The following ASIC2 variants were observed in gnomAD, a reference collection of about 807,000 sequenced individuals.
The protein encoded by ASIC2 is acid-sensing ion channel 2.
Under a neutral mutation model 57.3 loss-of-function variants are expected in ASIC2, and 25 were observed. The ratio of observed to expected loss-of-function variants is 0.44; its 90% CI spans 0.32 to 0.61. The LOEUF (loss-of-function observed/expected upper bound fraction) is 0.61. Among genes scored for constraint, ASIC2 ranks in the 20% least tolerant of loss-of-function variants. ASIC2 has a pLI of 0.06. For missense variants in ASIC2, 641 were observed against 738.1 expected, an observed-to-expected ratio of 0.87 and a Z score of 1.52; for synonymous variants, 319 against 307.5, an observed-to-expected ratio of 1.04 and a Z score of -0.39.
intron 1 of ASIC2, among the ~76,000 whole-genome samples, chr17:33,155,628 C>G (rs141759997): frequency 7.0e-6 from 1 of 143,354 alleles, no homozygotes; most frequent in Non-Finnish European, 1.5e-5. Context: ...GGCAGGATCT[C>G]GGATCACTGC....
intron 1 of ASIC2, among the ~76,000 whole-genome samples, chr17:33,211,789 G>A (rs948078570): frequency 6.6e-5 from 10 of 152,142 alleles, no homozygotes; most frequent in Admixed American, 3.3e-4. Context: ...CTTGCATCCC[G>A]AAAGTATTTG....
At chr17:33,329,512 A>C (rs911837298) in intron 1 of ASIC2, among the ~76,000 whole-genome samples, 26 of 152,202 alleles carry the variant, frequency 1.7e-4, no homozygotes, top group African/African-American at 6.3e-4. Context: ...ATTCATGCCC[A>C]AATTTCAGAA....
At chr17:33,687,908 T>C (rs996086408) in intron 1 of ASIC2, among the ~76,000 whole-genome samples, 1 of 152,194 alleles carries the variant, frequency 6.6e-6, no homozygotes, top group African/African-American at 2.4e-5. Context: ...ATAATTTTGC[T>C]GCTTCAGGAA....
chr17:33,211,067 TG>T (rs1204266773), intron 1 of ASIC2, among the ~76,000 whole-genome samples: 1 of 152,116 alleles, frequency 6.6e-6, no homozygotes, highest in Non-Finnish European at 1.5e-5. Context: ...TTAATTCATG[TG>T]GTGGACTTAA....
Position 34,156,620 on chromosome 17 carries a change from A to G in ASIC2, c.-88T>C, listed in dbSNP as rs1486478241. On this transcript the variant is annotated 5_prime_UTR_variant, in exon 1 of 10. Transcript: ENST00000359872. The surrounding 1 kb of genome is among the most constrained non-coding windows in gnomAD (Gnocchi z 4.4). ...GTCCTCGGGCTCTGCTTAAACCTTG[A>G]CGTTCAGGGGAGAGAACGCAAGGCA... 4 of 1,382,676 alleles carry G rather than the reference A, an allele frequency of 2.9e-6. No homozygotes were observed. The highest frequency in any genetic ancestry group is 2.9e-6 in the Non-Finnish European group (3 of 1,028,462). 85.7% of individuals were successfully genotyped at this position (1,382,676 alleles called of 1,614,324 possible).
chr17:34,131,781 G>A (rs1015352580), intron 1 of ASIC2, among the ~76,000 whole-genome samples: 4 of 152,274 alleles, frequency 2.6e-5, no homozygotes, highest in South Asian at 2.1e-4. Context: ...GGCCATTGCC[G>A]AGGCCCCCTG....
intron 1 of ASIC2, among the ~76,000 whole-genome samples, chr17:33,700,586 A>G (rs1014675669): frequency 6.6e-6 from 1 of 152,256 alleles, no homozygotes; most frequent in Non-Finnish European, 1.5e-5. Flanking sequence ...AAACAAGTAA[A>G]GACAGATGCG....
At chr17:33,919,057 T>C (rs1348416896) in intron 1 of ASIC2, among the ~76,000 whole-genome samples, 1 of 152,170 alleles carries the variant, frequency 6.6e-6, no homozygotes, top group Non-Finnish European at 1.5e-5. Flanking sequence ...CCAGAGTTCC[T>C]GAGCAGGGCT....
intron 1 of ASIC2, among the ~76,000 whole-genome samples, chr17:33,368,641 C>G (rs1908919992): frequency 6.6e-6 from 1 of 152,222 alleles, no homozygotes; most frequent in Admixed American, 6.5e-5. Context: ...CCACTTTCTA[C>G]TTTCCATGTT....
At chr17:33,592,532 T>C (rs1463275397) in intron 1 of ASIC2, among the ~76,000 whole-genome samples, 1 of 152,254 alleles carries the variant, frequency 6.6e-6, no homozygotes, top group Non-Finnish European at 1.5e-5. Flanking sequence ...TCCACTTGCA[T>C]TCAGCACTTT....
At chr17:33,470,991 G>C (rs951060108) in intron 1 of ASIC2, among the ~76,000 whole-genome samples, 1 of 141,460 alleles carries the variant, frequency 7.1e-6, no homozygotes, top group East Asian at 2.0e-4. Flanking sequence ...TTCTGCCTCT[G>C]AGTCTAACCC....
intron 1 of ASIC2, among the ~76,000 whole-genome samples, chr17:33,970,509 C>T (rs775065611): frequency 3.9e-5 from 6 of 152,174 alleles, no homozygotes; most frequent in Non-Finnish European, 8.8e-5. Context: ...AAGCAGCAGC[C>T]GTGGCATCAC....
chr17:33,954,359 T>C (rs1904670620), intron 1 of ASIC2, among the ~76,000 whole-genome samples: 1 of 152,162 alleles, frequency 6.6e-6, no homozygotes, highest in African/African-American at 2.4e-5. Context: ...GGGCCACACA[T>C]GATCCTGTAG....
chr17:33,578,930 C>T (rs1263124369), intron 1 of ASIC2, among the ~76,000 whole-genome samples: 1 of 152,184 alleles, frequency 6.6e-6, no homozygotes, highest in African/African-American at 2.4e-5. Context: ...GGTCAGAATT[C>T]TCTAGCTTCT....
At chr17:33,797,576 T>C (rs749992256) in intron 1 of ASIC2, among the ~76,000 whole-genome samples, 1 of 152,228 alleles carries the variant, frequency 6.6e-6, no homozygotes, top group Non-Finnish European at 1.5e-5. Context: ...AATATGCATG[T>C]TGATGTGAAG....
At chr17:33,814,887 C>T (rs768768781) in intron 1 of ASIC2, among the ~76,000 whole-genome samples, 27 of 152,294 alleles carry the variant, frequency 1.8e-4, no homozygotes, top group Non-Finnish European at 3.5e-4. Context: ...TCTGTAGTCT[C>T]TTTATCTGTG....
In ASIC2 at chr17:33,164,582, A is replaced by G. The variant is rs1403327197; in HGVS notation, c.709-52515T>C. Among the ~76,000 whole-genome samples, 313 of 109,900 alleles carry G rather than the reference A, an allele frequency of 2.8e-3. 2 individuals carry two copies. The highest frequency in any genetic ancestry group is 5.7e-3 in the East Asian group (18 of 3,174). The allele number at this position is 109,900 out of a possible 152,430, so 72.1% of individuals were successfully genotyped here. On this transcript the variant is annotated intron_variant, in intron 1 of 9. Coordinates refer to ENST00000225823, the MANE Select transcript of ASIC2 (RefSeq NM_183377.2). The stretch of plus-strand genomic sequence containing the variant: ...GTCCCAAAAGCACATGCACGCACAC[A>G]CACACACACACACACACACACTTAT...
chr17:33,578,184 AC>A (rs1033270887), intron 1 of ASIC2, among the ~76,000 whole-genome samples: 3 of 152,074 alleles, frequency 2.0e-5, no homozygotes, highest in Admixed American at 6.5e-5. Context: ...CTTCCACTCT[AC>A]TTTGGGCCAT....
intron 1 of ASIC2, among the ~76,000 whole-genome samples, chr17:33,583,576 C>T (rs1343380103): frequency 6.6e-6 from 1 of 152,184 alleles, no homozygotes; most frequent in African/African-American, 2.4e-5. Context: ...CAGCTCTAAG[C>T]ATCAGGACCC....
Sources: allele counts gnomAD v4.1 joint callset (sites outside exome capture counted in the v4.1 genomes callset), GRCh38; gene constraint gnomAD v4.1.1; non-coding constraint Gnocchi (gnomAD v3.1); transcripts MANE v1.5; gene names NCBI Gene and HGNC (gene_info 2026-07-23, HGNC 2026-07-21).